Variants in RBFOX1 observed in about 807,000 individuals in gnomAD.
The protein encoded by RBFOX1 is RNA binding protein fox-1 homolog 1.
In RBFOX1, 8 loss-of-function variants were observed where a neutral mutation model predicts 57.7. That is an observed-to-expected ratio of 0.14 (90% CI 0.08 to 0.25). The LOEUF (loss-of-function observed/expected upper bound fraction) is 0.25. Ranked by LOEUF, RBFOX1 falls within the 10% of genes least tolerant of loss-of-function variation. The probability of loss-of-function intolerance (pLI) is 1.00; values close to 1 mark genes in which losing one functional copy is unlikely to be tolerated. For synonymous variants in RBFOX1, 326 were observed against 222.4 expected (o/e 1.47, Z -4.15); for missense variants, 611 against 548.5 (o/e 1.11, Z -1.14).
intron 3 of RBFOX1, among the ~76,000 whole-genome samples, chr16:5,804,600 C>A (rs1325002634): frequency 6.6e-6 from 1 of 152,084 alleles, no homozygotes; most frequent in Admixed American, 6.5e-5. Flanking sequence ...AGGGGACCTG[C>A]CCTCTGTGTG....
chr16:7,541,096 A>C (rs1309023969), intron 5 of RBFOX1, among the ~76,000 whole-genome samples: 1 of 152,192 alleles, frequency 6.6e-6, no homozygotes, highest in African/African-American at 2.4e-5. Context: ...AGGCTTGTGC[A>C]GTTTATAGAC....
chr16:7,185,991 G>A (rs949997006), intron 4 of RBFOX1, among the ~76,000 whole-genome samples: 2 of 151,968 alleles, frequency 1.3e-5, no homozygotes, highest in Non-Finnish European at 2.9e-5. Context: ...GTTTATTGGC[G>A]CACTTTAGTA....
At chr16:6,857,569 C>A (rs746211981) in intron 3 of RBFOX1, among the ~76,000 whole-genome samples, 15 of 152,200 alleles carry the variant, frequency 9.9e-5, no homozygotes, top group Non-Finnish European at 1.3e-4. Context: ...CTGCTTCAAG[C>A]CTCCCAAATT....
chr16:6,340,111 T>C (rs2084335232), intron 2 of RBFOX1, among the ~76,000 whole-genome samples: 1 of 152,190 alleles, frequency 6.6e-6, no homozygotes, highest in Non-Finnish European at 1.5e-5. Flanking sequence ...TGCAGCCTGA[T>C]TAATACTTAA....
intron 2 of RBFOX1, among the ~76,000 whole-genome samples, chr16:5,480,180 A>C (rs142890576): frequency 1.6e-4 from 25 of 152,300 alleles, no homozygotes; most frequent in Non-Finnish European, 3.1e-4. Flanking sequence ...TCATCCGGAG[A>C]TGCATAAAAG....
intron 2 of RBFOX1, among the ~76,000 whole-genome samples, chr16:6,564,320 A>G (rs1457673341): frequency 6.6e-6 from 1 of 152,138 alleles, no homozygotes; most frequent in Non-Finnish European, 1.5e-5. Flanking sequence ...CAGTGCATAC[A>G]GTGGAGTATT....
intron 3 of RBFOX1, among the ~76,000 whole-genome samples, chr16:6,979,768 C>T (rs1476900085): frequency 2.0e-5 from 3 of 152,110 alleles, no homozygotes; most frequent in South Asian, 2.1e-4. Context: ...TCTAAAAATG[C>T]AAAAATCATC....
intron 7 of RBFOX1, among the ~76,000 whole-genome samples, chr16:7,592,214 GA>G (rs1433142010): frequency 6.6e-6 from 1 of 152,114 alleles, no homozygotes; most frequent in Non-Finnish European, 1.5e-5. Flanking sequence ...AAGTTTCGCA[GA>G]AAAACAATGA....
intron 3 of RBFOX1, among the ~76,000 whole-genome samples, chr16:5,779,211 C>T (rs1597217486): frequency 6.6e-6 from 1 of 152,202 alleles, no homozygotes; most frequent in African/African-American, 2.4e-5. Context: ...ACGTCGTGTG[C>T]AGACCAGACC....
At chr16:5,517,760 A>C (rs1001796651) in intron 2 of RBFOX1, among the ~76,000 whole-genome samples, 2 of 152,200 alleles carry the variant, frequency 1.3e-5, no homozygotes, top group Non-Finnish European at 2.9e-5. Context: ...TCACATTGTA[A>C]TTCATATCCA....
At chr16:7,372,256 G>A (rs1204766657) in intron 4 of RBFOX1, among the ~76,000 whole-genome samples, 1 of 152,286 alleles carries the variant, frequency 6.6e-6, no homozygotes, top group East Asian at 1.9e-4. Context: ...GTAAGGATGA[G>A]TAACCACTTC....
In RBFOX1 at chr16:7,263,328, A is replaced by G. The variant is rs559263511; in HGVS notation, c.27+211230A>G. 6.6e-5 allele frequency among the ~76,000 whole-genome samples: 10 copies of G among 152,216 alleles called. No individual in the cohort carries two copies. The South Asian group carries it at 2.1e-3, about 32-fold the overall frequency. On this transcript the variant is annotated intron_variant, in intron 4 of 15. Transcript: ENST00000550418. ...TGTTTGGCCCTTCAGGTAGACATGC[A>G]TGGGCCCTGAGAAGCCCCAGAATTT...
intron 5 of RBFOX1, among the ~76,000 whole-genome samples, chr16:7,531,773 C>G (rs1215129880): frequency 6.6e-6 from 1 of 152,148 alleles, no homozygotes; most frequent in Non-Finnish European, 1.5e-5. Flanking sequence ...AAATGACATT[C>G]CCTGCTAACT....
chr16:7,277,071 CGTT>C (rs1252485011), intron 4 of RBFOX1, among the ~76,000 whole-genome samples: 1 of 152,114 alleles, frequency 6.6e-6, no homozygotes. Context: ...GAATAGCAAA[CGTT>C]GTATTTTGCA....
intron 3 of RBFOX1, among the ~76,000 whole-genome samples, chr16:6,844,736 C>T (rs2093669589): frequency 6.6e-6 from 1 of 152,244 alleles, no homozygotes; most frequent in South Asian, 2.1e-4. Context: ...GGTATTTCTG[C>T]ATCTAGGTCT....
At chr16:7,445,339 A>G (rs910598885) in intron 4 of RBFOX1, among the ~76,000 whole-genome samples, 1 of 151,862 alleles carries the variant, frequency 6.6e-6, no homozygotes, top group Non-Finnish European at 1.5e-5. Context: ...ACTCCCCGCT[A>G]CTCCTCTCTT....
chr16:6,769,366 C>G (rs942821501), intron 3 of RBFOX1, among the ~76,000 whole-genome samples: 1 of 152,166 alleles, frequency 6.6e-6, no homozygotes, highest in Non-Finnish European at 1.5e-5. Flanking sequence ...GTTGCCTAGG[C>G]TTGAGTATGT....
At chr16:7,214,050 T>C (rs971227588) in intron 4 of RBFOX1, among the ~76,000 whole-genome samples, 1 of 151,524 alleles carries the variant, frequency 6.6e-6, no homozygotes, top group African/African-American at 2.4e-5. Flanking sequence ...AACTGGTCCT[T>C]TCTGGAAGCT....
intron 2 of RBFOX1, among the ~76,000 whole-genome samples, chr16:5,502,825 A>G (rs146866282): frequency 6.6e-6 from 1 of 152,310 alleles, no homozygotes; most frequent in Non-Finnish European, 1.5e-5. Context: ...TCCGCGTCTC[A>G]GGGGACCCTG....
Sources: allele counts gnomAD v4.1 joint callset (sites outside exome capture counted in the v4.1 genomes callset), GRCh38; gene constraint gnomAD v4.1.1; transcripts MANE v1.5; gene names NCBI Gene and HGNC (gene_info 2026-07-23, HGNC 2026-07-21).